Variants in ADGRB3 observed in about 807,000 individuals in gnomAD.
The protein encoded by ADGRB3 is brain-specific angiogenesis inhibitor 3.
Under a neutral mutation model 193.4 loss-of-function variants are expected in ADGRB3, and 37 were observed. The observed-to-expected ratio is 0.19, with a 90% CI of 0.15 to 0.25. The LOEUF (loss-of-function observed/expected upper bound fraction) is 0.25, where lower values mean the gene tolerates loss of function less well. Among genes scored for constraint, ADGRB3 ranks in the 10% least tolerant of loss-of-function variants. The probability of loss-of-function intolerance (pLI) is 1.00; values close to 1 mark genes in which losing one functional copy is unlikely to be tolerated. For synonymous variants in ADGRB3, 690 were observed against 644.2 expected, an observed-to-expected ratio of 1.07 and a Z score of -1.08; for missense variants, 1,637 against 1,852.9, an observed-to-expected ratio of 0.88 and a Z score of 2.14.
intron 20 of ADGRB3, among the ~76,000 whole-genome samples, chr6:69,246,072 G>A (rs1204015560): frequency 6.6e-6 from 1 of 152,062 alleles, no homozygotes; most frequent in Non-Finnish European, 1.5e-5. Flanking sequence ...GTGATTGATG[G>A]CATGCTTTAA....
At chr6:69,355,893 T>A in intron 28 of ADGRB3, 33 bp downstream of exon 28, 1 of 1,508,356 alleles carries the variant, frequency 6.6e-7, no homozygotes, top group Middle Eastern at 1.7e-4. Flanking sequence ...ATCTAATCAG[T>A]AGGGATGTTC....
intron 15 of ADGRB3, among the ~76,000 whole-genome samples, chr6:69,059,047 A>C (rs1771635854): frequency 6.6e-6 from 1 of 152,108 alleles, no homozygotes; most frequent in African/African-American, 2.4e-5. Context: ...CTAGTTATTA[A>C]AAATGGGATA....
At chr6:69,174,544 G>A (rs1409354205) in intron 17 of ADGRB3, among the ~76,000 whole-genome samples, 1 of 152,176 alleles carries the variant, frequency 6.6e-6, no homozygotes. Context: ...ATTGTAAATA[G>A]TGCTGCAATG....
chr6:68,951,400 C>T (rs956592797), intron 6 of ADGRB3, among the ~76,000 whole-genome samples: 4 of 152,056 alleles, frequency 2.6e-5, no homozygotes, highest in African/African-American at 7.2e-5. Context: ...CTCTTTATCA[C>T]GTTGTCTTCA....
intron 3 of ADGRB3, among the ~76,000 whole-genome samples, chr6:68,911,314 G>A (rs1284847924): frequency 5.3e-5 from 8 of 151,930 alleles, no homozygotes; most frequent in Non-Finnish European, 1.2e-4. Flanking sequence ...TATACCTAAT[G>A]TTAAATAACG....
chr6:69,128,060 C>T lies in ADGRB3; in HGVS notation c.2480+52022C>T, dbSNP rs7739929. ...TATGTTCACATATGGACAGATTCTT[C>T]ATTTTGTAAAAAAATATATAGTTAC... On this transcript the variant is annotated intron_variant, in intron 17 of 31. Transcript: ENST00000370598. 9.4e-3 allele frequency among the ~76,000 whole-genome samples: 1,435 copies of T among 152,128 alleles called. 25 individuals carry two copies. The highest frequency in any genetic ancestry group is 0.033 in the African/African-American group (1,371 of 41,508).
intron 20 of ADGRB3, among the ~76,000 whole-genome samples, chr6:69,273,955 A>T (rs1767236206): frequency 6.6e-6 from 1 of 152,198 alleles, no homozygotes; most frequent in African/African-American, 2.4e-5. Context: ...TAAAAAGAAT[A>T]GCTCTGGAAG....
chr6:69,054,085 T>C (rs1771477513), intron 15 of ADGRB3, among the ~76,000 whole-genome samples: 1 of 152,054 alleles, frequency 6.6e-6, no homozygotes, highest in Non-Finnish European at 1.5e-5. Context: ...ATTAAAGACA[T>C]TATAAAAGAA....
At chr6:69,212,358 G>A (rs1230357717) in intron 17 of ADGRB3, among the ~76,000 whole-genome samples, 5 of 152,112 alleles carry the variant, frequency 3.3e-5, no homozygotes, top group East Asian at 1.9e-4. Context: ...ACATAAGACT[G>A]TTTAAGAGTA....
intron 3 of ADGRB3, among the ~76,000 whole-genome samples, chr6:68,802,826 A>G (rs776289983): frequency 2.6e-4 from 40 of 152,130 alleles, no homozygotes; most frequent in Admixed American, 1.2e-3. Context: ...TTGGTTTTGT[A>G]TTTTTGCCAG....
chr6:68,784,848 T>G (rs1418353012), intron 3 of ADGRB3, among the ~76,000 whole-genome samples: 1 of 152,158 alleles, frequency 6.6e-6, no homozygotes, highest in East Asian at 1.9e-4. Flanking sequence ...AAAGAATTCT[T>G]GATACTAAAG....
chr6:69,293,036 A>G (rs557921826), intron 20 of ADGRB3, among the ~76,000 whole-genome samples: 6 of 152,100 alleles, frequency 3.9e-5, no homozygotes, highest in South Asian at 2.1e-4. Flanking sequence ...GCTCCCCACC[A>G]TGGGTCTATC....
At chr6:69,065,499 C>T (rs948249198) in intron 16 of ADGRB3, among the ~76,000 whole-genome samples, 4 of 151,856 alleles carry the variant, frequency 2.6e-5, no homozygotes, top group Non-Finnish European at 2.9e-5. Context: ...TATTTTATTG[C>T]TAAAATTAGA....
intron 3 of ADGRB3, among the ~76,000 whole-genome samples, chr6:68,817,537 A>G (rs978804392): frequency 1.3e-5 from 2 of 151,568 alleles, no homozygotes; most frequent in African/African-American, 4.8e-5. Flanking sequence ...GAATGCTAAA[A>G]TAGTACTTTT....
intron 3 of ADGRB3, among the ~76,000 whole-genome samples, chr6:68,642,488 A>G (rs1168072234): frequency 6.6e-6 from 1 of 152,162 alleles, no homozygotes. Flanking sequence ...AAGAACGGCA[A>G]GAAAACTATT....
At chr6:68,746,616 T>C (rs1051053862) in intron 3 of ADGRB3, among the ~76,000 whole-genome samples, 3 of 151,958 alleles carry the variant, frequency 2.0e-5, no homozygotes, top group Non-Finnish European at 4.4e-5. Context: ...TTTTAATTTG[T>C]TCTCCTTTTT....
chr6:69,346,591 CAT>C (rs1273766850), intron 26 of ADGRB3, among the ~76,000 whole-genome samples: 4 of 152,006 alleles, frequency 2.6e-5, no homozygotes, highest in Admixed American at 6.6e-5. Flanking sequence ...AGCCAACAAA[CAT>C]ATGAAAAATA....
At chr6:68,802,228 C>T (rs898582383) in intron 3 of ADGRB3, among the ~76,000 whole-genome samples, 2 of 151,090 alleles carry the variant, frequency 1.3e-5, no homozygotes, top group African/African-American at 4.9e-5. Flanking sequence ...GTGTGTGTAC[C>T]ACAGTAACTG....
At chr6:68,896,920 A>G (rs377463131) in intron 3 of ADGRB3, among the ~76,000 whole-genome samples, 3 of 152,214 alleles carry the variant, frequency 2.0e-5, no homozygotes, top group East Asian at 3.9e-4. Context: ...TAATTCCCAT[A>G]GTATTTGAAA....
Sources: gnomAD v4.1 joint callset for allele counts (sites outside exome capture counted in the v4.1 genomes callset) on GRCh38, gnomAD v4.1.1 for gene constraint, MANE v1.5 for transcripts, NCBI Gene and HGNC (gene_info 2026-07-23, HGNC 2026-07-21) for gene names.